Variants in IFT74 observed in about 807,000 individuals in gnomAD.
IFT74 encodes intraflagellar transport 74.
In IFT74, 92 loss-of-function variants were observed where a neutral mutation model predicts 96.7. The observed-to-expected ratio is 0.95, with a 90% CI of 0.80 to 1.13. The LOEUF is 1.13. Among genes scored for constraint, IFT74 ranks in the 50% most tolerant of loss-of-function variants. The pLI, the probability that IFT74 is intolerant of heterozygous loss-of-function variation, is 0.00. For missense variants in IFT74, 811 were observed against 698.2 expected, an observed-to-expected ratio of 1.16 and a Z score of -1.82; for synonymous variants, 223 against 213.2, an observed-to-expected ratio of 1.05 and a Z score of -0.40.
At chr9:26,989,511 G>C (rs1408108580) in intron 7 of IFT74, among the ~76,000 whole-genome samples, 1 of 152,120 alleles carries the variant, frequency 6.6e-6, no homozygotes, top group Non-Finnish European at 1.5e-5. Flanking sequence ...TTATTTACAT[G>C]AGTAAAGACT....
At chr9:27,006,050 G>A (rs1828759175) in intron 8 of IFT74, among the ~76,000 whole-genome samples, 1 of 151,860 alleles carries the variant, frequency 6.6e-6, no homozygotes, top group African/African-American at 2.4e-5. Context: ...CACCATGTTG[G>A]CCAGGCTGGT....
At chr9:26,990,250 T>A in intron 8 of IFT74, 55 bp downstream of exon 8, 1 of 851,770 alleles carries the variant, frequency 1.2e-6, no homozygotes, top group Non-Finnish European at 1.7e-6. Context: ...TTAGGTAGTT[T>A]AAGTTGTGAT....
chr9:26,992,547 G>T (rs1827933976), intron 8 of IFT74, among the ~76,000 whole-genome samples: 1 of 152,032 alleles, frequency 6.6e-6, no homozygotes, highest in Non-Finnish European at 1.5e-5. Context: ...ATAAAAATTA[G>T]CTGGGTGAGG....
At chr9:27,031,283 G>T (rs559281219) in intron 13 of IFT74, among the ~76,000 whole-genome samples, 1 of 151,972 alleles carries the variant, frequency 6.6e-6, no homozygotes, top group Non-Finnish European at 1.5e-5. Flanking sequence ...TCGAGACCAC[G>T]GTGAAACCCT....
chr9:27,061,402 G>C lies in IFT74; in HGVS notation c.1684+751G>C, dbSNP rs1174678048. The stretch of plus-strand genomic sequence containing the variant: ...CAGTTTTCCGGGATCACAGGGCTTG[G>C]GTAAAGTTAAACATTATCAGTAAAT... On this transcript the variant is annotated intron_variant, in intron 19 of 19. Coordinates refer to ENST00000380062, the MANE Select transcript of IFT74 (RefSeq NM_025103.4). 2.6e-5 allele frequency among the ~76,000 whole-genome samples: 4 copies of C among 152,116 alleles called. No individual in the cohort carries two copies. In the South Asian group the frequency reaches 6.2e-4, roughly 24 times the overall value.
At chr9:26,996,297 A>C in intron 8 of IFT74, 1 of 1,478,916 alleles carries the variant, frequency 6.8e-7, no homozygotes, top group Non-Finnish European at 9.3e-7. Flanking sequence ...TAATATATAG[A>C]ACCAGTATAT....
At chr9:26,953,826 T>TA (rs1417403134), upstream of IFT74, among the ~76,000 whole-genome samples, 1 of 152,158 alleles carries the variant, frequency 6.6e-6, no homozygotes, top group Non-Finnish European at 1.5e-5. Flanking sequence ...TTTATTTTCT[T>TA]AAAAAACCTA....
chr9:26,961,761 C>G (rs1458161295), intron 1 of IFT74, among the ~76,000 whole-genome samples, 188 bp from the exon 2 acceptor site: 2 of 152,014 alleles, frequency 1.3e-5, no homozygotes, highest in African/African-American at 4.8e-5. Flanking sequence ...AGGAATGTTG[C>G]AAGAAACAAT....
chr9:27,008,909 TG>T, intron 8 of IFT74, 110 bp from the exon 9 acceptor site: 1 of 795,964 alleles, frequency 1.3e-6, no homozygotes, highest in Non-Finnish European at 1.9e-6. Flanking sequence ...TCACACACTG[TG>T]GTTGAATGTC....
chr9:26,976,495 C>T (rs1415430420), intron 2 of IFT74: 1 of 302,424 alleles, frequency 3.3e-6, no homozygotes, highest in East Asian at 8.3e-5. Flanking sequence ...CTAAACTAGA[C>T]CCAATTGGCT....
intron 1 of IFT74, among the ~76,000 whole-genome samples, chr9:26,957,863 G>A (rs1352041507): frequency 1.3e-5 from 2 of 151,552 alleles, no homozygotes; most frequent in East Asian, 1.9e-4. Context: ...GCGCGATCTC[G>A]GCTCACTGCA....
At chr9:27,017,750 T>C (rs563945853) in intron 11 of IFT74, among the ~76,000 whole-genome samples, 7 of 152,294 alleles carry the variant, frequency 4.6e-5, no homozygotes, top group African/African-American at 1.7e-4. Flanking sequence ...TCCTGTGAAA[T>C]TATCGTATGT....
At position 26,978,127 on chromosome 9, in the gene IFT74, G is replaced by C. The variant is rs1240407435; in HGVS notation, c.121-1G>C. ...AAAATGAAATCTTGTTTGTCATTTA[G>C]ATGCCACCTGGGACAGCAAGACCAG... On this transcript the variant is annotated splice_acceptor_variant, in intron 2 of 19. Coordinates refer to ENST00000380062, the MANE Select transcript of IFT74 (RefSeq NM_025103.4). LOFTEE classifies it high-confidence loss of function. 1 of 1,570,962 alleles carries C rather than the reference G, an allele frequency of 6.4e-7. No homozygotes were observed. The highest frequency in any genetic ancestry group is 8.6e-7 in the Non-Finnish European group (1 of 1,166,978).
chr9:27,010,133 G>A (rs1436290479), intron 9 of IFT74, among the ~76,000 whole-genome samples: 1 of 151,774 alleles, frequency 6.6e-6, no homozygotes, highest in Non-Finnish European at 1.5e-5. Context: ...CACTACAGGC[G>A]CCCGCCACCA....
At position 27,063,502 on chromosome 9, in the gene IFT74, C is replaced by G. The variant is rs1407956328; in HGVS notation, c.*766C>G. ...TAGCCAGAATATTTGGGGAAAAAAGCTAGAAGAGGTAGGATTGGGAGAGAG... is the reference window on the plus strand; with the variant it reads ...TAGCCAGAATATTTGGGGAAAAAAGGTAGAAGAGGTAGGATTGGGAGAGAG... On this transcript the variant is annotated 3_prime_UTR_variant, in exon 20 of 20. Transcript: ENST00000380062. Among the ~76,000 whole-genome samples the G allele has an allele frequency of 2.6e-5, 4 of 151,998 alleles. No homozygotes were observed. Among genetic ancestry groups the G allele is most frequent in the Non-Finnish European group, 5.9e-5 (4 of 67,960 alleles).
chr9:27,038,916 A>T (rs939238297), intron 13 of IFT74, among the ~76,000 whole-genome samples: 1 of 152,190 alleles, frequency 6.6e-6, no homozygotes, highest in Non-Finnish European at 1.5e-5. Flanking sequence ...TCAAGAAAAA[A>T]GGAGAAACAG....
chr9:26,968,235 G>A (rs1042747639), intron 2 of IFT74, among the ~76,000 whole-genome samples: 13 of 149,942 alleles, frequency 8.7e-5, no homozygotes, highest in African/African-American at 3.2e-4. Flanking sequence ...GCTTTTCTTT[G>A]CTGGGAGACG....
intron 3 of IFT74, 128 bp from the exon 4 acceptor site, chr9:26,980,443 C>G (rs1827320538): frequency 1.4e-6 from 1 of 714,740 alleles, no homozygotes; most frequent in East Asian, 2.7e-5. Context: ...AGTGATTCTT[C>G]TTGATTCATT....
intron 13 of IFT74, chr9:27,036,865 A>G (rs1819224326): frequency 4.0e-6 from 4 of 1,006,570 alleles, no homozygotes; most frequent in Non-Finnish European, 3.6e-6. Flanking sequence ...CATTTGTGGA[A>G]GTTTTAGTGC....
Sources: gnomAD v4.1 joint callset for allele counts (sites outside exome capture counted in the v4.1 genomes callset) on GRCh38, gnomAD v4.1.1 for gene constraint, MANE v1.5 for transcripts, NCBI Gene and HGNC (gene_info 2026-07-23, HGNC 2026-07-21) for gene names.